CNTN3: variants seen among roughly 807,000 people sequenced by gnomAD.
The protein encoded by CNTN3 is contactin 3, also known as contactin-3.
Under a neutral mutation model 119.1 loss-of-function variants are expected in CNTN3, and 60 were observed. The ratio of observed to expected loss-of-function variants is 0.50; its 90% CI spans 0.41 to 0.62. CNTN3 has a LOEUF of 0.62. Among genes scored for constraint, CNTN3 ranks in the 20% least tolerant of loss-of-function variants. CNTN3 has a pLI of 0.00. For synonymous variants in CNTN3, 450 were observed against 438.7 expected (o/e 1.03, Z -0.32); for missense variants, 1,101 against 1,242.4 (o/e 0.89, Z 1.71).
intron 20 of CNTN3, among the ~76,000 whole-genome samples, chr3:74,280,199 T>C (rs985111474): frequency 2.0e-5 from 3 of 152,104 alleles, no homozygotes; most frequent in African/African-American, 7.2e-5. Context: ...AAAAAAAGCA[T>C]ACCTACTTGA....
rs749643870 is a variant in CNTN3, at chr3:74,331,082, G to A, written c.1668+3653C>T. Reference sequence around the variant, plus strand: ...ATTGAGTGTATCCTAAGTGTACAGTGTTTCTAATGTTTTCAGTAGTGTACA... The same window carrying A: ...ATTGAGTGTATCCTAAGTGTACAGTATTTCTAATGTTTTCAGTAGTGTACA... On this transcript the variant is annotated intron_variant, in intron 13 of 22. Transcript: ENST00000263665. Among the ~76,000 whole-genome samples the A allele has an allele frequency of 3.3e-5, 5 of 152,220 alleles. No individual in the cohort carries two copies. In the South Asian group the frequency reaches 1.0e-3, roughly 32 times the overall value.
chr3:74,322,002 A>G (rs896445991), intron 13 of CNTN3, among the ~76,000 whole-genome samples: 20 of 152,074 alleles, frequency 1.3e-4, no homozygotes, highest in Non-Finnish European at 1.0e-4. Flanking sequence ...ACTGGCCAAC[A>G]TGGTGAAACC....
chr3:74,310,312 T>A (rs1192723061), intron 13 of CNTN3, among the ~76,000 whole-genome samples: 6 of 152,232 alleles, frequency 3.9e-5, no homozygotes, highest in Admixed American at 6.5e-5. Flanking sequence ...GAGTTTCAAT[T>A]ACTATTGCTA....
intron 1 of CNTN3, among the ~76,000 whole-genome samples, chr3:74,613,224 T>A (rs1341361509): frequency 6.6e-6 from 1 of 152,130 alleles, no homozygotes; most frequent in African/African-American, 2.4e-5. Flanking sequence ...GTGATATTCA[T>A]CTCTGTGGGG....
intron 8 of CNTN3, among the ~76,000 whole-genome samples, chr3:74,367,352 C>G (rs571716900): frequency 6.6e-6 from 1 of 152,174 alleles, no homozygotes. Context: ...GCATTCATTT[C>G]CTCTCTTCCT....
intron 1 of CNTN3, among the ~76,000 whole-genome samples, chr3:74,528,710 G>A (rs1703654505): frequency 1.3e-5 from 2 of 151,900 alleles, no homozygotes; most frequent in Non-Finnish European, 2.9e-5. Flanking sequence ...CAGATCATTA[G>A]AGAGCCATGA....
intron 13 of CNTN3, among the ~76,000 whole-genome samples, chr3:74,313,762 A>T (rs2106646783): frequency 6.6e-6 from 1 of 152,248 alleles, no homozygotes; most frequent in Admixed American, 6.5e-5. Flanking sequence ...ATGTACATGA[A>T]GCCTCCCTCA....
chr3:74,496,401 A>G (rs146943979), intron 3 of CNTN3, among the ~76,000 whole-genome samples: 1 of 152,254 alleles, frequency 6.6e-6, no homozygotes, highest in East Asian at 1.9e-4. Flanking sequence ...TTATGATCAC[A>G]TAATGATAGG....
intron 1 of CNTN3, among the ~76,000 whole-genome samples, chr3:74,597,836 T>C (rs536310698): frequency 6.6e-6 from 1 of 152,036 alleles, no homozygotes; most frequent in East Asian, 1.9e-4. Context: ...ATGAAGAAAA[T>C]AGGAAAAGTC....
At chr3:74,438,357 C>T (rs970456738) in intron 4 of CNTN3, among the ~76,000 whole-genome samples, 2 of 152,056 alleles carry the variant, frequency 1.3e-5, no homozygotes, top group Admixed American at 6.6e-5. Flanking sequence ...GATAACATAA[C>T]GTGTTAGAGG....
At chr3:74,302,310 T>C (rs1459086779) in intron 14 of CNTN3, among the ~76,000 whole-genome samples, 2 of 152,228 alleles carry the variant, frequency 1.3e-5, no homozygotes, top group Non-Finnish European at 2.9e-5. Context: ...ATAATCCTGA[T>C]ACTTTTTTTG....
chr3:74,405,899 C>A (rs1354817695), intron 5 of CNTN3, among the ~76,000 whole-genome samples: 1 of 152,050 alleles, frequency 6.6e-6, no homozygotes, highest in Non-Finnish European at 1.5e-5. Context: ...TCAGAAGATA[C>A]AATGACAAGA....
intron 5 of CNTN3, among the ~76,000 whole-genome samples, chr3:74,414,939 G>A (rs550034448): frequency 6.4e-5 from 9 of 141,732 alleles, no homozygotes; most frequent in African/African-American, 2.1e-4. Flanking sequence ...TTCTTTTTGG[G>A]ATAGGAGACA....
chr3:74,303,663 C>T (rs1044802639), intron 13 of CNTN3, among the ~76,000 whole-genome samples: 6 of 152,116 alleles, frequency 3.9e-5, no homozygotes, highest in African/African-American at 1.2e-4. Flanking sequence ...CACACCACTG[C>T]ACTCCAGCTT....
In CNTN3 at chr3:74,298,191, G is replaced by T; in HGVS notation, c.2167C>A (p.Pro723Thr). Residue 723 changes from proline (P) to threonine (T), a missense_variant and splice_region_variant, in exon 18 of 23, where the codon CCA becomes ACA. Transcript: ENST00000263665. ...CCATTCTGTAGTTCTTCAGGGACTG[G>T]CTATAAAGGAAAGACATACTGAATC... ...SRSELVITWD[P>T]VPEELQNGEG... The T allele has an allele frequency of 6.4e-7, 1 of 1,563,792 alleles. No individual in the cohort carries two copies. The highest frequency in any genetic ancestry group is 8.7e-7 in the Non-Finnish European group (1 of 1,152,342).
In CNTN3 at chr3:74,341,871, T is replaced by A. The variant is rs563784218; in HGVS notation, c.1365-5213A>T. ...GATTTCTGAAAATATTGTTTTTCCC[T>A]GCCTATATTCTTCTGATCATTACGG... On this transcript the variant is annotated intron_variant, in intron 11 of 22. Transcript: ENST00000263665. Among the ~76,000 whole-genome samples, 15 of 152,294 alleles carry A rather than the reference T, an allele frequency of 9.8e-5. No individual in the cohort carries two copies. In the East Asian group the frequency reaches 2.3e-3, roughly 23 times the overall value.
intron 1 of CNTN3, among the ~76,000 whole-genome samples, chr3:74,587,031 A>G (rs1008444384): frequency 1.3e-5 from 2 of 152,130 alleles, no homozygotes; most frequent in Admixed American, 1.3e-4. Flanking sequence ...TTGTCTCTCA[A>G]AGATGCAAGG....
intron 8 of CNTN3, among the ~76,000 whole-genome samples, chr3:74,368,485 C>T (rs1003643832): frequency 1.3e-5 from 2 of 151,702 alleles, no homozygotes; most frequent in Admixed American, 6.6e-5. Flanking sequence ...TTTATAAATC[C>T]GTTTTGAAAA....
At chr3:74,408,105 G>A (rs1195023619) in intron 5 of CNTN3, among the ~76,000 whole-genome samples, 10 of 152,122 alleles carry the variant, frequency 6.6e-5, no homozygotes, top group Non-Finnish European at 1.5e-4. Flanking sequence ...GACCTTGAGA[G>A]GTCATCAACA....
Sources: gnomAD v4.1 joint callset for allele counts (sites outside exome capture counted in the v4.1 genomes callset) on GRCh38, gnomAD v4.1.1 for gene constraint, MANE v1.5 for transcripts, NCBI Gene and HGNC (gene_info 2026-07-23, HGNC 2026-07-21) for gene names.